The following TRA2B variants were observed in gnomAD, a reference collection of about 807,000 sequenced individuals.
TRA2B encodes transformer-2 protein homolog beta.
TRA2B carries 14 observed loss-of-function variants against 41.7 expected under a neutral mutation model. That is an observed-to-expected ratio of 0.34 (90% CI 0.22 to 0.53). The LOEUF (loss-of-function observed/expected upper bound fraction) is 0.53, where lower values mean the gene tolerates loss of function less well. Among genes scored for constraint, TRA2B ranks in the 20% least tolerant of loss-of-function variants. The probability of loss-of-function intolerance (pLI) is 0.95; values close to 1 mark genes in which losing one functional copy is unlikely to be tolerated. For synonymous variants in TRA2B, 130 were observed against 128.8 expected (o/e 1.01, Z -0.06); for missense variants, 167 against 396.8 (o/e 0.42, Z 4.92).
At chr3:185,921,082 A>T in intron 6 of TRA2B, 22 bp downstream of exon 6, 2 of 1,605,690 alleles carry the variant, frequency 1.2e-6, no homozygotes, top group Non-Finnish European at 1.7e-6. Context: ...TCAGACGTTG[A>T]CCTTTCTACC....
chr3:185,934,977 G>A, intron 1 of TRA2B: 1 of 985,380 alleles, frequency 1.0e-6, no homozygotes, highest in Non-Finnish European at 1.2e-6. Context: ...CTTTAGTAAA[G>A]ACTCACTCGT....
At chr3:185,920,764 G>A (rs1168749009) in intron 6 of TRA2B, among the ~76,000 whole-genome samples, 1 of 152,034 alleles carries the variant, frequency 6.6e-6, no homozygotes, top group Non-Finnish European at 1.5e-5. Context: ...CTGGATCTCA[G>A]GTGATCTGCC....
At chr3:185,926,154 C>T (rs1743941838) in intron 2 of TRA2B, among the ~76,000 whole-genome samples, 1 of 149,798 alleles carries the variant, frequency 6.7e-6, no homozygotes, top group Non-Finnish European at 1.5e-5. Context: ...TCGCCCCAGG[C>T]AAACCAGGAT....
rs1489200853 is a variant in TRA2B, at chr3:185,915,202, T to C, written c.*2513A>G. ...TACAAATCTTTTGACACAGCCTTAT[T>C]TCCACTTGCTGGGACCCTGTTGATT... On this transcript the variant is annotated 3_prime_UTR_variant, in exon 9 of 9. Coordinates refer to ENST00000453386, the MANE Select transcript of TRA2B (RefSeq NM_004593.3). Among the ~76,000 whole-genome samples, 2 of 152,204 alleles carry C rather than the reference T, an allele frequency of 1.3e-5. No homozygotes were observed. The highest frequency in any genetic ancestry group is 2.9e-5 in the Non-Finnish European group (2 of 68,038).
At chr3:185,923,687 G>C in intron 4 of TRA2B, 109 bp downstream of exon 4, 1 of 1,048,638 alleles carries the variant, frequency 9.5e-7, no homozygotes, top group South Asian at 2.2e-5. Flanking sequence ...TGGAGAAAAA[G>C]TTCGAAGTAT....
At chr3:185,934,648 C>A (rs1744278922) in intron 1 of TRA2B, 1 of 985,282 alleles carries the variant, frequency 1.0e-6, no homozygotes, top group Non-Finnish European at 1.2e-6. Context: ...GGCTGCAATT[C>A]TTTAGAAAGA....
At chr3:185,927,863 A>T (rs143406701) in intron 1 of TRA2B, 41 of 152,392 alleles carry the variant, frequency 2.7e-4, no homozygotes, top group African/African-American at 8.4e-4. Flanking sequence ...TCTGATAGCT[A>T]GGTAAAATTA....
At chr3:185,925,432 T>C (rs758770010) in intron 3 of TRA2B, 32 bp downstream of exon 3, 26 of 1,605,642 alleles carry the variant, frequency 1.6e-5, no homozygotes, top group Middle Eastern at 1.8e-4. Context: ...ATTTAGGCAG[T>C]TGACTGCTTC....
chr3:185,932,837 G>C (rs978424533), intron 1 of TRA2B, among the ~76,000 whole-genome samples: 1 of 151,752 alleles, frequency 6.6e-6, no homozygotes, highest in South Asian at 2.1e-4. Context: ...TCCTCTCCTG[G>C]TTTTTCCTCC....
At chr3:185,935,295 T>A (rs1373498061) in intron 1 of TRA2B, 1 of 985,296 alleles carries the variant, frequency 1.0e-6, no homozygotes, top group Non-Finnish European at 1.2e-6. Flanking sequence ...TTAAGCCTGC[T>A]AATTAGACCC....
At chr3:185,924,090 C>T in intron 3 of TRA2B, 106 bp from the exon 4 acceptor site, 1 of 974,160 alleles carries the variant, frequency 1.0e-6, no homozygotes, top group Non-Finnish European at 1.5e-6. Context: ...AAGAAAAGTA[C>T]ATAATGATTA....
chr3:185,927,593 G>A (rs1243092199), intron 1 of TRA2B: 1 of 152,154 alleles, frequency 6.6e-6, no homozygotes, highest in African/African-American at 2.4e-5. Context: ...AAAGAGTACA[G>A]AAACTACATA....
chr3:185,915,474 G>A lies in TRA2B; in HGVS notation c.*2241C>T, dbSNP rs186678596. 2.6e-5 allele frequency among the ~76,000 whole-genome samples: 4 copies of A among 151,988 alleles called. No homozygotes were observed. Among genetic ancestry groups the A allele is most frequent in the Non-Finnish European group, 5.9e-5 (4 of 67,984 alleles). ...CAGCAGTTACCTAGGGGTTACCTACGGGTAACTGCTGCCTCCCTTTCATGA... is the reference window on the plus strand; with the variant it reads ...CAGCAGTTACCTAGGGGTTACCTACAGGTAACTGCTGCCTCCCTTTCATGA... On this transcript the variant is annotated 3_prime_UTR_variant, in exon 9 of 9. Coordinates refer to ENST00000453386, the MANE Select transcript of TRA2B (RefSeq NM_004593.3).
At chr3:185,923,707 G>T in intron 4 of TRA2B, 89 bp downstream of exon 4, 1 of 1,287,088 alleles carries the variant, frequency 7.8e-7, no homozygotes, top group Non-Finnish European at 1.1e-6. Context: ...TTACTGACTT[G>T]TCCTTGTCCT....
chr3:185,926,062 C>A (rs1743938126), intron 2 of TRA2B, among the ~76,000 whole-genome samples: 1 of 152,072 alleles, frequency 6.6e-6, no homozygotes, highest in Non-Finnish European at 1.5e-5. Flanking sequence ...ACTAGAGTGA[C>A]TCTAAATTGT....
intron 1 of TRA2B, chr3:185,936,842 G>C (rs545349913): frequency 1.0e-6 from 1 of 985,274 alleles, no homozygotes. Flanking sequence ...CCACAGACCA[G>C]CTACGTATGC....
intron 1 of TRA2B, chr3:185,928,752 G>GT (rs1205758812): frequency 1.3e-5 from 2 of 152,226 alleles, no homozygotes; most frequent in Admixed American, 1.3e-4. Flanking sequence ...GTGTTTCACA[G>GT]TAACAGTTAA....
intron 6 of TRA2B, among the ~76,000 whole-genome samples, chr3:185,920,044 T>A (rs1743656973): frequency 6.6e-6 from 1 of 152,192 alleles, no homozygotes; most frequent in Admixed American, 6.5e-5. Context: ...ACTTCATTTT[T>A]ATCTTTGGAA....
Position 185,937,993 on chromosome 3 carries a change from G to A in TRA2B, c.-133C>T, listed in dbSNP as rs761004990. On this transcript the variant is annotated 5_prime_UTR_variant, in exon 1 of 9. Transcript: ENST00000453386. ...CAGCCGCTCAGAGCCGAAATGCTCC[G>A]CACCGCCTCCGCACGGGCTCTAACT... 5.1e-5 allele frequency: 52 copies of A among 1,028,036 alleles called. No homozygotes were observed. The highest frequency in any genetic ancestry group is 6.7e-5 in the Non-Finnish European group (46 of 688,408). 63.7% of individuals were successfully genotyped at this position (1,028,036 alleles called of 1,614,324 possible).
Sources: gnomAD v4.1 joint callset for allele counts (sites outside exome capture counted in the v4.1 genomes callset) on GRCh38, gnomAD v4.1.1 for gene constraint, MANE v1.5 for transcripts, NCBI Gene and HGNC (gene_info 2026-07-23, HGNC 2026-07-21) for gene names.